Variants in POMT1 observed in about 807,000 individuals in gnomAD.
The protein encoded by POMT1 is protein O-mannosyl-transferase 1.
Under a neutral mutation model 101.6 loss-of-function variants are expected in POMT1, and 85 were observed. The observed-to-expected ratio is 0.84, with a 90% CI of 0.70 to 1.00. POMT1 has a LOEUF of 1.00. Ranked by LOEUF, POMT1 falls within the 50% of genes least tolerant of loss-of-function variation. The pLI is 0.00. For missense variants in POMT1, 857 were observed against 930.4 expected, an observed-to-expected ratio of 0.92 and a Z score of 1.03; for synonymous variants, 371 against 383.0, an observed-to-expected ratio of 0.97 and a Z score of 0.37.
chr9:131,520,958 T>C, intron 17 of POMT1: 2 of 344,326 alleles, frequency 5.8e-6, no homozygotes, highest in South Asian at 4.6e-5. Context: ...TTCTCCTGCC[T>C]CAGCCTCCAA....
chr9:131,516,518 C>T (rs1267930821), intron 13 of POMT1: 2 of 154,384 alleles, frequency 1.3e-5, no homozygotes, highest in African/African-American at 2.4e-5. Flanking sequence ...TCAGTTTACC[C>T]AGTTGAGGTT....
intron 2 of POMT1, 127 bp downstream of exon 2, chr9:131,504,467 T>C (rs1945281536): frequency 5.6e-6 from 8 of 1,423,356 alleles, no homozygotes; most frequent in Non-Finnish European, 7.8e-6. Flanking sequence ...TTTTTGGCAG[T>C]GAGAGGAGAG....
intron 9 of POMT1, 197 bp from the exon 10 acceptor site, chr9:131,511,140 G>A (rs1588389170): frequency 1.7e-6 from 1 of 597,156 alleles, no homozygotes; most frequent in Non-Finnish European, 2.8e-6. Flanking sequence ...CCCAGAGGCA[G>A]CATTTGATCA....
chr9:131,523,279 C>G lies in POMT1; in HGVS notation c.*173C>G, dbSNP rs113952381. On this transcript the variant is annotated 3_prime_UTR_variant, in exon 20 of 20. Coordinates refer to ENST00000402686, the MANE Select transcript of POMT1 (RefSeq NM_001077365.2). ...CATTGAAAAGCTCTCTGATGAGCAC[C>G]TCCTTTTGTGCAAAGTTAATTTTTT... is the stretch of plus-strand genomic sequence containing the variant. The G allele has an allele frequency of 2.2e-5, 16 of 743,052 alleles. No individual in the cohort carries two copies. In the Admixed American group the frequency reaches 3.6e-4, roughly 17 times the overall value. The allele number at this position is 743,052 out of a possible 1,614,324, so 46.0% of individuals were successfully genotyped here. A position where few individuals can be genotyped will look rare whatever the true frequency, so the allele number is the denominator to read the frequency against.
At chr9:131,510,517 A>G (rs1946885271) in intron 9 of POMT1, 102 bp downstream of exon 9, 1 of 1,409,592 alleles carries the variant, frequency 7.1e-7, no homozygotes, top group Non-Finnish European at 9.9e-7. Flanking sequence ...CTTGAATCAA[A>G]ACATGAAGAA....
intron 13 of POMT1, chr9:131,516,931 G>A (rs1342782682): frequency 3.3e-5 from 5 of 152,260 alleles, no homozygotes; most frequent in Non-Finnish European, 5.9e-5. Flanking sequence ...TCCTTCCAGC[G>A]ACCAGGGCCA....
In POMT1 at chr9:131,509,843, C is replaced by T; in HGVS notation, c.605+35C>T. On this transcript the variant is annotated intron_variant, in intron 7 of 19. Coordinates refer to ENST00000402686, the MANE Select transcript of POMT1 (RefSeq NM_001077365.2). ...AGCCTCTGGTCTTGGGCAGTGTCCT[C>T]CTCCATCTCCTTATGTTTTCCTGTC... is the stretch of plus-strand genomic sequence containing the variant. 3 of 1,614,226 alleles carry T rather than the reference C, an allele frequency of 1.9e-6. No individual in the cohort carries two copies. In the African/African-American group the frequency reaches 4.0e-5, roughly 22 times the overall value.
chr9:131,522,006 G>A lies in POMT1; in HGVS notation c.1826-41G>A. ...AAAAGAGAGAGAAGACCCGGCCTGTGGGAGCAGCAGAGTCGGTGTAGCTCG... is the reference window on the plus strand; with the variant it reads ...AAAAGAGAGAGAAGACCCGGCCTGTAGGAGCAGCAGAGTCGGTGTAGCTCG... On this transcript the variant is annotated intron_variant, in intron 18 of 19. Transcript: ENST00000402686. This position sits in a 1 kb window ranked among gnomAD's most constrained non-coding sequence, Gnocchi z 5.5. The A allele has an allele frequency of 6.2e-7, 1 of 1,612,612 alleles. No individual in the cohort carries two copies. The highest frequency in any genetic ancestry group is 8.5e-7 in the Non-Finnish European group (1 of 1,179,866).
rs778460873 is a variant in POMT1, at chr9:131,510,390, C to T, written c.830C>T (p.Ser277Phe). The T allele has an allele frequency of 6.2e-6, 10 of 1,614,072 alleles. No individual in the cohort carries two copies. The highest frequency in any genetic ancestry group is 1.3e-5 in the African/African-American group (1 of 74,942). Residue 277 changes from serine to phenylalanine, a missense_variant, in exon 9 of 20, where the codon TCC (serine) becomes TTC (phenylalanine). Transcript: ENST00000402686. ...FRSGPHDQIM[S>F]SAFQASLEGG... is the part of the protein sequence containing the mutation. ...TCTGGGCCCCACGACCAAATCATGT[C>T]CAGTGCCTTCCAGGCCAGCTTAGAG...
chr9:131,507,037 G>A (rs1251348771), intron 4 of POMT1, among the ~76,000 whole-genome samples: 3 of 151,264 alleles, frequency 2.0e-5, no homozygotes, highest in Admixed American at 6.6e-5. Context: ...ACTGCACTCC[G>A]GCCTGGGGGA....
intron 17 of POMT1, 76 bp downstream of exon 17, chr9:131,520,269 C>A: frequency 8.1e-7 from 1 of 1,230,522 alleles, no homozygotes; most frequent in Non-Finnish European, 1.2e-6. Context: ...TAAGAGCAGC[C>A]GCTGCACCCT....
intron 9 of POMT1, 105 bp downstream of exon 9, chr9:131,510,520 A>G: frequency 7.2e-7 from 1 of 1,398,120 alleles, no homozygotes; most frequent in Non-Finnish European, 9.9e-7. Flanking sequence ...GAATCAAAAC[A>G]TGAAGAATCC....
chr9:131,507,335 G>A, intron 4 of POMT1, 33 bp from the exon 5 acceptor site: 1 of 1,613,824 alleles, frequency 6.2e-7, no homozygotes, highest in Non-Finnish European at 8.5e-7. Flanking sequence ...TGTGCACAGT[G>A]TAGTCAGCTC....
chr9:131,513,151 T>G, intron 11 of POMT1, 88 bp from the exon 12 acceptor site: 5 of 1,138,000 alleles, frequency 4.4e-6, no homozygotes, highest in Non-Finnish European at 6.6e-6. Flanking sequence ...GTCTCAGCCA[T>G]GAGAATTCAG....
intron 12 of POMT1, among the ~76,000 whole-genome samples, chr9:131,513,726 GC>G (rs1003952094): frequency 6.6e-6 from 1 of 152,200 alleles, no homozygotes; most frequent in African/African-American, 2.4e-5. Flanking sequence ...GGAAGCTCGG[GC>G]ACGAGTGGAG....
At chr9:131,506,820 G>A in intron 4 of POMT1, 1 of 319,202 alleles carries the variant, frequency 3.1e-6, no homozygotes, top group South Asian at 2.8e-5. Flanking sequence ...TGTAATCCTG[G>A]CACTTTGGGA....
Position 131,522,023 on chromosome 9 carries a change from T to G in POMT1, c.1826-24T>G. 1 of 1,613,526 alleles carries G rather than the reference T, an allele frequency of 6.2e-7. No individual in the cohort carries two copies. The highest frequency in any genetic ancestry group is 8.5e-7 in the Non-Finnish European group (1 of 1,179,994). ...CGGCCTGTGGGAGCAGCAGAGTCGG[T>G]GTAGCTCGAGCCCTTTCCTATAGAT... On this transcript the variant is annotated intron_variant, in intron 18 of 19. Coordinates refer to ENST00000402686, the MANE Select transcript of POMT1 (RefSeq NM_001077365.2). This position sits in a 1 kb window ranked among gnomAD's most constrained non-coding sequence, Gnocchi z 5.5.
At chr9:131,506,669 C>T (rs1021663466) in intron 4 of POMT1, 3 of 592,886 alleles carry the variant, frequency 5.1e-6, no homozygotes, top group African/African-American at 3.7e-5. Context: ...TGTTCAGTTG[C>T]AGTCATTATT....
In POMT1 at chr9:131,515,570, C is replaced by G. The variant is rs1382680724; in HGVS notation, c.1272+48C>G. ...CAGCCACAACCGTCAGTAATGAACA[C>G]TCCCTCACACGGAGCACTTCCTCAC... On this transcript the variant is annotated intron_variant, in intron 13 of 19. Transcript: ENST00000402686. 7.7e-6 allele frequency: 12 copies of G among 1,551,206 alleles called. No individual in the cohort carries two copies. In the East Asian group the frequency reaches 1.6e-4, roughly 20 times the overall value.
Sources: allele counts gnomAD v4.1 joint callset (sites outside exome capture counted in the v4.1 genomes callset), GRCh38; gene constraint gnomAD v4.1.1; non-coding constraint Gnocchi (gnomAD v3.1); transcripts MANE v1.5; gene names NCBI Gene and HGNC (gene_info 2026-07-23, HGNC 2026-07-21).